COMMD1: variants seen among roughly 807,000 people sequenced by gnomAD.
COMMD1 encodes COMM domain-containing protein 1.
A neutral mutation model predicts 17.2 loss-of-function variants in COMMD1; 10 were observed. The observed-to-expected ratio is 0.58, with a 90% CI of 0.36 to 0.99. The LOEUF (loss-of-function observed/expected upper bound fraction) is 0.99, where lower values mean the gene tolerates loss of function less well. COMMD1 is among the 50% of genes least tolerant of loss of function. The pLI, the probability that COMMD1 is intolerant of heterozygous loss-of-function variation, is 0.01. For missense variants in COMMD1, 270 were observed against 231.8 expected (o/e 1.17, Z -1.07); for synonymous variants, 97 against 91.6 (o/e 1.06, Z -0.34).
chr2:62,049,171 A>G (rs967084244), intron 2 of COMMD1, among the ~76,000 whole-genome samples: 1 of 151,314 alleles, frequency 6.6e-6, no homozygotes, highest in East Asian at 1.9e-4. Flanking sequence ...CTTATCATGG[A>G]CCAGAAATTT....
At chr2:62,069,127 C>T (rs1671133048) in intron 2 of COMMD1, among the ~76,000 whole-genome samples, 1 of 151,994 alleles carries the variant, frequency 6.6e-6, no homozygotes, top group African/African-American at 2.4e-5. Context: ...TCTATTTTTA[C>T]TTTTTCTGAT....
intron 2 of COMMD1, among the ~76,000 whole-genome samples, chr2:62,071,841 C>A (rs962338567): frequency 6.6e-6 from 1 of 152,016 alleles, no homozygotes; most frequent in African/African-American, 2.4e-5. Context: ...GGAGTTTAGG[C>A]ACAACTGATT....
chr2:62,021,835 TTTG>T (rs1669620391), intron 2 of COMMD1, among the ~76,000 whole-genome samples: 1 of 152,196 alleles, frequency 6.6e-6, no homozygotes, highest in South Asian at 2.1e-4. Context: ...GGCTTGTCTT[TTTG>T]TTGTTGAAGT....
intron 2 of COMMD1, chr2:62,055,327 T>G: frequency 4.7e-6 from 2 of 421,472 alleles, no homozygotes; most frequent in South Asian, 3.4e-5. Flanking sequence ...AGGAAGAGTT[T>G]ATTTGAAAAG....
chr2:62,026,843 G>T (rs1180440166), intron 2 of COMMD1, among the ~76,000 whole-genome samples: 1 of 152,068 alleles, frequency 6.6e-6, no homozygotes, highest in Admixed American at 6.6e-5. Flanking sequence ...GAAAATTAAA[G>T]ATAATATATA....
At chr2:62,003,668 T>C (rs1669030820) in intron 2 of COMMD1, among the ~76,000 whole-genome samples, 1 of 151,234 alleles carries the variant, frequency 6.6e-6, no homozygotes, top group South Asian at 2.1e-4. Flanking sequence ...GTTTAATAAG[T>C]ACACTTGGAT....
rs145338309 is a variant in COMMD1 at position 62,063,232 on chromosome 2, T to G, written c.462+62250T>G. Among the ~76,000 whole-genome samples, 109 of 151,940 alleles carry G rather than the reference T, an allele frequency of 7.2e-4. 1 individual carries two copies. The East Asian group carries it at 0.019, about 26-fold the overall frequency. On this transcript the variant is annotated intron_variant, in intron 2 of 2. Transcript: ENST00000311832. ...CTCCGTCTCAAAAATAAAAATAAAA[T>G]AAAATAAAAGAAAATATTAGCAGGT... is the stretch of plus-strand genomic sequence containing the variant.
At chr2:61,913,366 C>CCA (rs1669960219) in intron 1 of COMMD1, among the ~76,000 whole-genome samples, 1 of 41,980 alleles carries the variant, frequency 2.4e-5, no homozygotes, top group Non-Finnish European at 5.1e-5. Context: ...GACTCCATCT[C>CCA]AAAAAAAAAA....
Position 62,127,518 on chromosome 2 carries a change from C to T in COMMD1, c.463-8313C>T, listed in dbSNP as rs148804602. Among the ~76,000 whole-genome samples the T allele has an allele frequency of 1.1e-4, 16 of 152,232 alleles. No individual in the cohort carries two copies. In the East Asian group the frequency reaches 2.9e-3, roughly 28 times the overall value. ...TAACCAAAACAGCATGGTACTGACA[C>T]AAGAACAGACTCATAGATGAATGGA... is the stretch of plus-strand genomic sequence containing the variant. On this transcript the variant is annotated intron_variant, in intron 2 of 2. Transcript: ENST00000311832.
intron 1 of COMMD1, among the ~76,000 whole-genome samples, chr2:61,938,492 G>A (rs1165789336): frequency 6.6e-6 from 1 of 152,162 alleles, no homozygotes; most frequent in Non-Finnish European, 1.5e-5. Flanking sequence ...TAGGATCACG[G>A]TTAAACAAGG....
chr2:62,006,425 T>C (rs1669124682), intron 2 of COMMD1, among the ~76,000 whole-genome samples: 1 of 152,086 alleles, frequency 6.6e-6, no homozygotes, highest in African/African-American at 2.4e-5. Flanking sequence ...TATATTGCGA[T>C]ATCCTTTGAG....
intron 2 of COMMD1, among the ~76,000 whole-genome samples, chr2:62,126,145 C>T (rs550792064): frequency 3.3e-5 from 5 of 152,250 alleles, no homozygotes; most frequent in African/African-American, 1.2e-4. Context: ...TGTGTATGTA[C>T]CACATTTTCT....
At chr2:61,949,991 C>G (rs1047316210) in intron 1 of COMMD1, among the ~76,000 whole-genome samples, 1 of 152,212 alleles carries the variant, frequency 6.6e-6, no homozygotes, top group Non-Finnish European at 1.5e-5. Context: ...ATGAAACAAA[C>G]AGGACACTAT....
At chr2:62,018,107 GC>G (rs1669506800) in intron 2 of COMMD1, among the ~76,000 whole-genome samples, 2 of 151,776 alleles carry the variant, frequency 1.3e-5, no homozygotes, top group Admixed American at 1.3e-4. Flanking sequence ...AGGCCCATAC[GC>G]ATCTTTTCAG....
At chr2:61,931,684 A>G (rs1313847772) in intron 1 of COMMD1, among the ~76,000 whole-genome samples, 1 of 152,184 alleles carries the variant, frequency 6.6e-6, no homozygotes, top group Non-Finnish European at 1.5e-5. Flanking sequence ...TCCATTACCT[A>G]TATGTTTATG....
intron 2 of COMMD1, among the ~76,000 whole-genome samples, chr2:62,073,010 G>A (rs866235280): frequency 3.9e-5 from 6 of 152,268 alleles, no homozygotes; most frequent in Non-Finnish European, 5.9e-5. Flanking sequence ...AGTGGGGAAA[G>A]CAAGCCCAGT....
At chr2:61,930,617 T>TTGTGTG (rs59488185) in intron 1 of COMMD1, among the ~76,000 whole-genome samples, 5,302 of 146,112 alleles carry the variant, frequency 0.036, 92 homozygotes, top group Middle Eastern at 0.062. Flanking sequence ...CCACAGGGTT[T>TTGTGTG]TGTGTGTGTG....
intron 1 of COMMD1, among the ~76,000 whole-genome samples, chr2:61,920,981 A>ATATTTT (rs749403795): frequency 7.1e-6 from 1 of 141,400 alleles, no homozygotes; most frequent in African/African-American, 2.7e-5. Context: ...ATATATATAT[A>ATATTTT]TTTTTTTTTT....
At chr2:61,978,971 T>G (rs1004439285) in intron 1 of COMMD1, among the ~76,000 whole-genome samples, 6 of 152,204 alleles carry the variant, frequency 3.9e-5, no homozygotes, top group African/African-American at 1.4e-4. Flanking sequence ...AACAATCAAT[T>G]ACACTCTTTT....
Sources: allele counts gnomAD v4.1 joint callset (sites outside exome capture counted in the v4.1 genomes callset), GRCh38; gene constraint gnomAD v4.1.1; transcripts MANE v1.5; gene names NCBI Gene and HGNC (gene_info 2026-07-23, HGNC 2026-07-21).